Variants in OVGP1 observed in about 807,000 individuals in gnomAD.
OVGP1 encodes oviduct-specific glycoprotein.
A neutral mutation model predicts 48.2 loss-of-function variants in OVGP1; 26 were observed. That is an observed-to-expected ratio of 0.54 (90% CI 0.40 to 0.75). OVGP1 has a LOEUF of 0.75. Among genes scored for constraint, OVGP1 ranks in the 30% least tolerant of loss-of-function variants. OVGP1 has a pLI of 0.00. For synonymous variants in OVGP1, 294 were observed against 305.7 expected, an observed-to-expected ratio of 0.96 and a Z score of 0.40; for missense variants, 791 against 820.6, an observed-to-expected ratio of 0.96 and a Z score of 0.44.
In OVGP1 at chr1:111,425,415, C is replaced by T. The variant is rs1557785048; in HGVS notation, c.285G>A (p.Leu95=). 1 of 1,614,114 alleles carries T rather than the reference C, an allele frequency of 6.2e-7. No individual in the cohort carries two copies. ...KERNRELKTL[L]SIGGWNFGTS... Reference sequence around the variant, plus strand: ...TGCCAAAGTTCCACCCGCCGATGGACAGTAGTGTTTTCAGCTCTCTGTTCC... The same window carrying T: ...TGCCAAAGTTCCACCCGCCGATGGATAGTAGTGTTTTCAGCTCTCTGTTCC... The change falls in exon 4 of 11, where the codon CTG becomes CTA. Residue 95 remains leucine, a synonymous_variant. Transcript: ENST00000369732.
In OVGP1 at chr1:111,414,551, G is replaced by C; in HGVS notation, c.1950C>G (p.Ser650=). 1.9e-6 allele frequency: 3 copies of C among 1,614,078 alleles called. No individual in the cohort carries two copies. Among genetic ancestry groups the C allele is most frequent in the Non-Finnish European group, 2.5e-6 (3 of 1,179,962 alleles). Residue 650 remains serine (S), a synonymous_variant, in exon 11 of 11, where the codon TCC becomes TCG. Coordinates refer to ENST00000369732, the MANE Select transcript of OVGP1 (RefSeq NM_002557.4). ...TTTGAGGGGTTACTGAGTTGACAGA[G>C]GAATGGTTTCCATAGATGGGAACAA... ...NRFVPIYGNH[S]SVNSVTPQTS...
At chr1:111,419,556 CA>C in intron 9 of OVGP1, 53 bp downstream of exon 9, 1 of 1,031,842 alleles carries the variant, frequency 9.7e-7, no homozygotes, top group South Asian at 1.3e-5. Context: ...ATAAGGACCC[CA>C]TAGAAACCGG....
chr1:111,416,569 G>T, intron 9 of OVGP1, 111 bp from the exon 10 acceptor site: 1 of 894,858 alleles, frequency 1.1e-6, no homozygotes, highest in Non-Finnish European at 1.6e-6. Context: ...GGGTGGTTAG[G>T]AGTGTAGCCA....
In OVGP1 at chr1:111,414,961, A is replaced by G. The variant is rs1126656; in HGVS notation, c.1540T>C (p.Tyr514His). The G allele has an allele frequency of 3.3e-3, 2,664 of 799,308 alleles. 49 individuals carry two copies. The African/African-American group carries it at 0.045, about 13-fold the overall frequency. The allele number at this position is 799,308 out of a possible 1,614,324, so 49.5% of individuals were successfully genotyped here. A position where few individuals can be genotyped will look rare whatever the true frequency, so the allele number is the denominator to read the frequency against. ...TTTTCCCCAGGGGTCACAGACTGAT[A>G]ACCCACAGAGGTCAGGGTCTTCTGT... ...TGQKTLTSVG[Y>H]QSVTPGEKTL... Residue 514 changes from tyrosine (Y) to histidine (H), a missense_variant, in exon 11 of 11, where the codon TAT (tyrosine) becomes CAT (histidine). Tyr to His is a moderately conservative substitution (Grantham distance 83). Transcript: ENST00000369732.
intron 10 of OVGP1, among the ~76,000 whole-genome samples, chr1:111,415,687 C>A (rs1261987975): frequency 6.6e-6 from 1 of 152,112 alleles, no homozygotes; most frequent in African/African-American, 2.4e-5. Flanking sequence ...TGCCTCGAGG[C>A]CTAATTCTAA....
In OVGP1 at chr1:111,423,059, GAA is replaced by G. The variant is rs1652311272; in HGVS notation, c.484-10_484-9del. ...GAAGGCAAACAGGAGCTCCTAAGAGGAAAGACAGAAAGACACAGAGAACTGGA... is the reference window on the plus strand; with the variant it reads ...GAAGGCAAACAGGAGCTCCTAAGAGGAGACAGAAAGACACAGAGAACTGGA... On this transcript the variant is annotated splice_polypyrimidine_tract_variant and intron_variant, in intron 5 of 10. Transcript: ENST00000369732. 1.2e-6 allele frequency: 2 copies of G among 1,613,698 alleles called. No individual in the cohort carries two copies. Among genetic ancestry groups the G allele is most frequent in the Non-Finnish European group, 1.7e-6 (2 of 1,179,992 alleles).
intron 10 of OVGP1, among the ~76,000 whole-genome samples, chr1:111,415,673 A>T (rs1179873859): frequency 6.6e-6 from 1 of 151,994 alleles, no homozygotes. Context: ...CATCAGCAAA[A>T]CCTTGCCTCG....
chr1:111,421,037 G>A (rs1036442409), intron 8 of OVGP1, among the ~76,000 whole-genome samples: 4 of 152,116 alleles, frequency 2.6e-5, no homozygotes, highest in African/African-American at 9.7e-5. Context: ...CATTTTTGGG[G>A]TGCAATGAAA....
intron 6 of OVGP1, 139 bp downstream of exon 6, chr1:111,422,788 G>A (rs1652301877): frequency 2.1e-6 from 2 of 941,124 alleles, no homozygotes; most frequent in African/African-American, 1.6e-5. Flanking sequence ...ATGCTCCTCA[G>A]TCCAGCCCCA....
rs751085470 is a variant in OVGP1 at position 111,414,694 on chromosome 1, T to C, written c.1807A>G (p.Thr603Ala). 2 of 1,613,920 alleles carry C rather than the reference T, an allele frequency of 1.2e-6. No homozygotes were observed. The highest frequency in any genetic ancestry group is 1.7e-6 in the Non-Finnish European group (2 of 1,179,824). The change falls in exon 11 of 11, where the codon ACT becomes GCT. Residue 603 changes from threonine (T) to alanine (A), a missense_variant. Physicochemically the swap from Thr to Ala is moderately conservative, Grantham distance 58. Transcript: ENST00000369732. Reference protein sequence around the residue: ...RGENLTSEVGTHPRMGNLGLQ... With the variant: ...RGENLTSEVGAHPRMGNLGLQ... ...CCCAAGTTACCCATCCTGGGGTGAG[T>C]GCCCACCTCAGAAGTCAAATTCTCC...
chr1:111,419,834 G>A, intron 8 of OVGP1, 108 bp from the exon 9 acceptor site: 4 of 700,494 alleles, frequency 5.7e-6, no homozygotes, highest in South Asian at 1.6e-5. Context: ...CCTAACCAGC[G>A]AATGAGAAGA....
intron 1 of OVGP1, chr1:111,427,329 G>T (rs1302375464): frequency 1.0e-6 from 1 of 985,232 alleles, no homozygotes; most frequent in East Asian, 1.1e-4. Context: ...CTCATGCTTT[G>T]CCCAGGGACA....
chr1:111,427,601 TCTCAGGCTG>T, intron 1 of OVGP1, 87 bp downstream of exon 1: 1 of 1,444,766 alleles, frequency 6.9e-7, no homozygotes. Flanking sequence ...CTTCCCTGAG[TCTCAGGCTG>T]CTCTCTCAGG....
intron 9 of OVGP1, among the ~76,000 whole-genome samples, chr1:111,419,320 G>A (rs1482550234): frequency 6.6e-6 from 1 of 152,130 alleles, no homozygotes; most frequent in African/African-American, 2.4e-5. Flanking sequence ...AAATTAGCTG[G>A]TCCAAATGGA....
Position 111,416,516 on chromosome 1 carries a change from A to G in OVGP1, c.1021-58T>C, listed in dbSNP as rs1168534926. On this transcript the variant is annotated intron_variant, in intron 9 of 10. Transcript: ENST00000369732. ...CTTGTCAGTCTCTAGACTGGGTACA[A>G]TGGCAAAAAACTGAAGATAGTCCCT... The G allele has an allele frequency of 4.0e-6, 6 of 1,496,042 alleles. No homozygotes were observed. In the South Asian group the frequency reaches 8.0e-5, roughly 20 times the overall value. 92.7% of individuals were successfully genotyped at this position (1,496,042 alleles called of 1,614,324 possible).
At chr1:111,425,499 C>T (rs1264887) in intron 3 of OVGP1, 60 bp from the exon 4 acceptor site, 181,207 of 1,608,926 alleles carry the variant, frequency 0.11, 15,348 homozygotes, top group East Asian at 0.43. Context: ...GCAGCTGCTG[C>T]CACATTCTTT....
At chr1:111,426,954 C>T in intron 2 of OVGP1, 108 bp downstream of exon 2, 1 of 1,591,324 alleles carries the variant, frequency 6.3e-7, no homozygotes, top group Non-Finnish European at 8.6e-7. Context: ...ATCAATAATC[C>T]CTGTCAGAGA....
chr1:111,422,755 G>A (rs1412511572), intron 6 of OVGP1, among the ~76,000 whole-genome samples, 172 bp downstream of exon 6: 1 of 152,100 alleles, frequency 6.6e-6, no homozygotes, highest in Non-Finnish European at 1.5e-5. Context: ...AGGGTATAAT[G>A]GAACTAGCCC....
chr1:111,427,676 G>A (rs1415719097), intron 1 of OVGP1, 21 bp downstream of exon 1: 1 of 1,612,344 alleles, frequency 6.2e-7, no homozygotes, highest in Non-Finnish European at 8.5e-7. Context: ...GAGTGACACT[G>A]CTGGGACCTG....
Sources: gnomAD v4.1 joint callset for allele counts (sites outside exome capture counted in the v4.1 genomes callset) on GRCh38, gnomAD v4.1.1 for gene constraint, MANE v1.5 for transcripts, NCBI Gene and HGNC (gene_info 2026-07-23, HGNC 2026-07-21) for gene names.